The following PGCKA1 variants were observed in gnomAD, a reference collection of about 807,000 sequenced individuals.
PGCKA1 encodes PDCD10 and GCKIII kinases associated 1, also known as PDCD10 and GCKIII kinases-associated protein 1.
the PGCKA1 span, among the ~76,000 whole-genome samples, chr4:37,535,115 CTGAG>C: frequency 2.6e-5 from 4 of 152,180 alleles, no homozygotes; most frequent in Non-Finnish European, 5.9e-5. Context: ...GAGGCCAACA[CTGAG>C]TGGGAAGTCA....
the PGCKA1 span, among the ~76,000 whole-genome samples, chr4:37,488,106 C>A: frequency 5.9e-5 from 9 of 152,130 alleles, no homozygotes; most frequent in Non-Finnish European, 1.3e-4. Context: ...ACATCCAGGC[C>A]CTGTTGGGCT....
the PGCKA1 span, among the ~76,000 whole-genome samples, chr4:37,546,852 G>A: frequency 9.2e-5 from 14 of 152,356 alleles, no homozygotes; most frequent in South Asian, 1.0e-3. Flanking sequence ...ACAGCAGCAC[G>A]TAGCAGGCCC....
At chr4:37,534,008 GT>G in the PGCKA1 span, among the ~76,000 whole-genome samples, 2 of 152,154 alleles carry the variant, frequency 1.3e-5, no homozygotes, top group African/African-American at 4.8e-5. Context: ...CCCGATCAAA[GT>G]TTTTGGCTTC....
the PGCKA1 span, among the ~76,000 whole-genome samples, chr4:37,561,606 A>G: frequency 5.9e-5 from 9 of 151,290 alleles, no homozygotes; most frequent in African/African-American, 2.0e-4. Flanking sequence ...GATAGAAAAG[A>G]CTTCATCTAT....
chr4:37,565,449 G>A, the PGCKA1 span, among the ~76,000 whole-genome samples: 1 of 152,162 alleles, frequency 6.6e-6, no homozygotes, highest in South Asian at 2.1e-4. Flanking sequence ...CCATGGAGGA[G>A]GAGCAGCACC....
At chr4:37,571,178 A>G in the PGCKA1 span, among the ~76,000 whole-genome samples, 1 of 152,002 alleles carries the variant, frequency 6.6e-6, no homozygotes, top group Non-Finnish European at 1.5e-5. Flanking sequence ...GTCCCCCTCT[A>G]AGATGCAACA....
the PGCKA1 span, among the ~76,000 whole-genome samples, chr4:37,575,773 A>G: frequency 6.6e-6 from 1 of 152,034 alleles, no homozygotes; most frequent in Non-Finnish European, 1.5e-5. Context: ...CTTGATTTTT[A>G]TATACAGCAA....
At chr4:37,474,117 T>C in the PGCKA1 span, among the ~76,000 whole-genome samples, 2 of 152,238 alleles carry the variant, frequency 1.3e-5, no homozygotes, top group Non-Finnish European at 2.9e-5. Flanking sequence ...TGCAACAGTT[T>C]TGAGAGGTGG....
chr4:37,570,413 T>C, the PGCKA1 span, among the ~76,000 whole-genome samples: 2,889 of 117,788 alleles, frequency 0.025, 97 homozygotes, highest in African/African-American at 0.088. Context: ...CCCAAAAGAG[T>C]AGGAAATGTT....
chr4:37,458,133 G>A, the PGCKA1 span, among the ~76,000 whole-genome samples: 2 of 152,158 alleles, frequency 1.3e-5, no homozygotes, highest in Non-Finnish European at 2.9e-5. Flanking sequence ...TACAGGTGAG[G>A]AAACTGAGTC....
chr4:37,519,985 C>A, the PGCKA1 span, among the ~76,000 whole-genome samples: 2 of 152,162 alleles, frequency 1.3e-5, no homozygotes, highest in African/African-American at 2.4e-5. Context: ...TGTTGAATTT[C>A]ATCAAATGCT....
chr4:37,497,193 A>G, the PGCKA1 span, among the ~76,000 whole-genome samples: 1 of 152,214 alleles, frequency 6.6e-6, no homozygotes, highest in East Asian at 1.9e-4. Context: ...GTTTGGTTTT[A>G]CATTCCTGAG....
the PGCKA1 span, among the ~76,000 whole-genome samples, chr4:37,582,101 C>CA: frequency 6.6e-6 from 1 of 152,178 alleles, no homozygotes; most frequent in East Asian, 1.9e-4. Context: ...CCCAAACACA[C>CA]AGATGCTCTC....
At chr4:37,536,754 T>C in the PGCKA1 span, among the ~76,000 whole-genome samples, 1 of 152,222 alleles carries the variant, frequency 6.6e-6, no homozygotes. Flanking sequence ...CCACAGACAA[T>C]GCATAAATGA....
At chr4:37,562,517 G>A in the PGCKA1 span, among the ~76,000 whole-genome samples, 69 of 152,266 alleles carry the variant, frequency 4.5e-4, no homozygotes, top group African/African-American at 1.5e-3. Flanking sequence ...ATAGTAAGGC[G>A]ATGTTGCAGT....
chr4:37,485,014 A>G, the PGCKA1 span, among the ~76,000 whole-genome samples: 1 of 152,200 alleles, frequency 6.6e-6, no homozygotes, highest in Non-Finnish European at 1.5e-5. Context: ...AGAAGTGAAT[A>G]TTTTATTTAT....
chr4:37,505,892 A>G, the PGCKA1 span, among the ~76,000 whole-genome samples: 1 of 152,236 alleles, frequency 6.6e-6, no homozygotes, highest in Non-Finnish European at 1.5e-5. Context: ...TGGTACAATT[A>G]CAGTAGTAAA....
At chr4:37,453,497 A>C in the PGCKA1 span, among the ~76,000 whole-genome samples, 1 of 152,122 alleles carries the variant, frequency 6.6e-6, no homozygotes, top group Non-Finnish European at 1.5e-5. Context: ...TAGGCGGCGA[A>C]TGCCAGAAAT....
At chr4:37,529,431 C>T in the PGCKA1 span, among the ~76,000 whole-genome samples, 1 of 152,172 alleles carries the variant, frequency 6.6e-6, no homozygotes, top group Non-Finnish European at 1.5e-5. Flanking sequence ...TAAGGTTAGG[C>T]TAATTCCCAG....
Sources: allele counts gnomAD v4.1 joint callset (sites outside exome capture counted in the v4.1 genomes callset), GRCh38; gene constraint gnomAD v4.1.1; transcripts MANE v1.5; gene names NCBI Gene and HGNC (gene_info 2026-07-23, HGNC 2026-07-21).